Variants in ERCC6L2 observed in about 807,000 individuals in gnomAD.
The protein encoded by ERCC6L2 is ERCC excision repair 6 like 2.
A neutral mutation model predicts 132.0 loss-of-function variants in ERCC6L2; 77 were observed. The observed-to-expected ratio is 0.58, with a 90% confidence interval of 0.49 to 0.71. ERCC6L2 has a LOEUF of 0.71. ERCC6L2 is among the 30% of genes least tolerant of loss of function. ERCC6L2 has a pLI of 0.00. For synonymous variants in ERCC6L2, 583 were observed against 632.4 expected (o/e 0.92, Z 1.17); for missense variants, 1,542 against 1,837.6 (o/e 0.84, Z 2.94).
chr9:96,003,680 C>T (rs556409147), intron 17 of ERCC6L2, among the ~76,000 whole-genome samples: 5 of 152,330 alleles, frequency 3.3e-5, no homozygotes, highest in African/African-American at 1.2e-4. Context: ...ACTTAAGGTC[C>T]TACCCTACTA....
At chr9:95,918,601 G>A (rs993792566) in intron 6 of ERCC6L2, 3 of 341,776 alleles carry the variant, frequency 8.8e-6, no homozygotes, top group Admixed American at 3.1e-5. Flanking sequence ...TTTACAAGTC[G>A]GGGGGCCTAG....
chr9:95,973,178 G>T lies in ERCC6L2; in HGVS notation c.3337+90G>T. 3 of 908,996 alleles carry T rather than the reference G, an allele frequency of 3.3e-6. 1 individual carries two copies. The South Asian group carries it at 5.3e-5, about 16-fold the overall frequency. The allele number at this position is 908,996 out of a possible 1,614,324, so 56.3% of individuals were successfully genotyped here. On this transcript the variant is annotated intron_variant, in intron 16 of 18. Transcript: ENST00000653738. ...ACGCTTTGAATTAACTTGTAAAACAGCCCTAAAATCAAGATGCTGCATTGA... is the reference window on the plus strand; with the variant it reads ...ACGCTTTGAATTAACTTGTAAAACATCCCTAAAATCAAGATGCTGCATTGA...
At position 95,953,938 on chromosome 9, in the gene ERCC6L2, C is replaced by T. The variant is rs941093313; in HGVS notation, c.1848-1976C>T. Among the ~76,000 whole-genome samples the T allele has an allele frequency of 5.9e-5, 9 of 152,112 alleles. No homozygotes were observed. The East Asian group carries it at 1.7e-3, about 29-fold the overall frequency. ...TTTTGTGTACAATTTTATTCAAGTA[C>T]ATTTGGAAGAATAAGGACAAAGGAA... On this transcript the variant is annotated intron_variant, in intron 12 of 18. Coordinates refer to ENST00000653738, the MANE Select transcript of ERCC6L2 (RefSeq NM_020207.7).
chr9:95,987,109 C>T (rs1564287561), intron 17 of ERCC6L2, among the ~76,000 whole-genome samples: 1 of 152,278 alleles, frequency 6.6e-6, no homozygotes, highest in East Asian at 1.9e-4. Flanking sequence ...GAGTACTTCC[C>T]ACAACACAGG....
rs974900921 is a variant in ERCC6L2 at position 95,895,026 on chromosome 9, T to C, written c.472-2823T>C. 2.0e-5 allele frequency among the ~76,000 whole-genome samples: 3 copies of C among 152,344 alleles called. No individual in the cohort carries two copies. In the South Asian group the frequency reaches 6.2e-4, roughly 32 times the overall value. On this transcript the variant is annotated intron_variant, in intron 2 of 18. Transcript: ENST00000653738. ...ATGTTATTAAAGTCTTCTGTATCTT[T>C]ACTGATTATTTTGTTTGTTCTTGCT...
chr9:95,918,459 C>G, intron 6 of ERCC6L2: 1 of 472,786 alleles, frequency 2.1e-6, no homozygotes, highest in Admixed American at 2.2e-5. Context: ...TTATTCAGGT[C>G]CTGCAGGTCT....
intron 17 of ERCC6L2, among the ~76,000 whole-genome samples, chr9:95,994,742 G>A (rs983476539): frequency 2.6e-5 from 4 of 152,034 alleles, no homozygotes; most frequent in African/African-American, 7.3e-5. Context: ...AAGATGCAGA[G>A]ATTACTGATA....
rs912834337 is a variant in ERCC6L2, at chr9:96,013,993, T to C, written c.*790T>C. On this transcript the variant is annotated 3_prime_UTR_variant, in exon 19 of 19. Coordinates refer to ENST00000653738, the MANE Select transcript of ERCC6L2 (RefSeq NM_020207.7). ...CTTTTTATTTTGTTAGAAACTGTTATATTTTGAGTGTAATATTTATGGTTT... is the reference window on the plus strand; with the variant it reads ...CTTTTTATTTTGTTAGAAACTGTTACATTTTGAGTGTAATATTTATGGTTT... The C allele has an allele frequency of 2.0e-5, 3 of 152,246 alleles. No individual in the cohort carries two copies. The highest frequency in any genetic ancestry group is 2.9e-5 in the Non-Finnish European group (2 of 68,044). 9.4% of individuals were successfully genotyped at this position (152,246 alleles called of 1,614,324 possible).
chr9:96,033,267 C>T (rs1389268890), intron 19 of ERCC6L2, among the ~76,000 whole-genome samples: 2 of 147,426 alleles, frequency 1.4e-5, no homozygotes, highest in Admixed American at 6.8e-5. Context: ...TTTTTTGAGA[C>T]GGAGTTTTAT....
In ERCC6L2 at chr9:95,955,947, A is replaced by G. The variant is rs1831578313; in HGVS notation, c.1881A>G (p.Lys627=). ...AYRIGQCRDV[K]VLRLISLGTV... is the part of the protein sequence containing the mutation. ...GGATTGGACAATGTAGAGATGTCAA[A>G]GTGCTTAGGCTGATATCCTTGGGAA... The change falls in exon 13 of 19, where the codon AAA becomes AAG. Residue 627 remains lysine, a synonymous_variant. Coordinates refer to ENST00000653738, the MANE Select transcript of ERCC6L2 (RefSeq NM_020207.7). 5.6e-6 allele frequency: 9 copies of G among 1,606,848 alleles called. No individual in the cohort carries two copies. Among genetic ancestry groups the G allele is most frequent in the Non-Finnish European group, 7.6e-6 (9 of 1,176,576 alleles).
rs1157500972 is a variant in ERCC6L2 at position 95,972,297 on chromosome 9, A to G, written c.2546A>G (p.Gln849Arg). ...NQDSLGTSKH[Q>R]KLDNILNPKE... ...GACTCTCTTGGTACTTCAAAACATC[A>G]GAAATTAGATAACATCCTAAATCCA... The change falls in exon 16 of 19, where the codon CAG (glutamine) becomes CGG (arginine). Residue 849 changes from glutamine (Q) to arginine (R), a missense_variant. By Grantham distance (43) the Gln-to-Arg change is conservative (BLOSUM62 1). Transcript: ENST00000653738. 1 of 1,297,146 alleles carries G rather than the reference A, an allele frequency of 7.7e-7. No homozygotes were observed. The highest frequency in any genetic ancestry group is 1.0e-6 in the Non-Finnish European group (1 of 986,908). The allele number at this position is 1,297,146 out of a possible 1,614,324, so 80.4% of individuals were successfully genotyped here. A position where few individuals can be genotyped will look rare whatever the true frequency, so the allele number is the denominator to read the frequency against.
chr9:96,017,930 C>T lies in ERCC6L2; in HGVS notation c.*4727C>T, dbSNP rs191641133. Among the ~76,000 whole-genome samples, 10 of 152,262 alleles carry T rather than the reference C, an allele frequency of 6.6e-5. No homozygotes were observed. The highest frequency in any genetic ancestry group is 3.9e-4 in the Admixed American group (6 of 15,296). On this transcript the variant is annotated 3_prime_UTR_variant, in exon 19 of 19. Coordinates refer to ENST00000653738, the MANE Select transcript of ERCC6L2 (RefSeq NM_020207.7). Reference sequence around the variant, plus strand: ...TCAGCCTTGAAAGGAAATTCGGACACGTGCTACAACATAGATGAATCTTGA... The same window carrying T: ...TCAGCCTTGAAAGGAAATTCGGACATGTGCTACAACATAGATGAATCTTGA...
intron 17 of ERCC6L2, among the ~76,000 whole-genome samples, chr9:95,979,674 C>T (rs1832815318): frequency 6.6e-6 from 1 of 152,152 alleles, no homozygotes; most frequent in South Asian, 2.1e-4. Flanking sequence ...TCTTTCATGA[C>T]CCAAATATGC....
At chr9:95,912,214 C>A (rs1268844928) in intron 4 of ERCC6L2, among the ~76,000 whole-genome samples, 1 of 152,168 alleles carries the variant, frequency 6.6e-6, no homozygotes, top group Non-Finnish European at 1.5e-5. Context: ...CTGCTTTTGT[C>A]AGCCATCTTG....
chr9:96,019,304 AAT>A (rs779195262), downstream of ERCC6L2, among the ~76,000 whole-genome samples: 4 of 152,178 alleles, frequency 2.6e-5, no homozygotes, highest in Admixed American at 1.3e-4. Flanking sequence ...TATTTTTCAA[AAT>A]ATAAATGCCA....
Position 95,897,892 on chromosome 9 carries a change from G to T in ERCC6L2, c.515G>T (p.Arg172Leu). ...LAAVLHKKGT[R>L]EDIENNMPEF... ...GCAGTTTTGCATAAAAAGGGAACTC[G>T]TGAGGATATTGAAAATAACATGCCA... The change falls in exon 3 of 19, where the codon CGT becomes CTT. Residue 172 changes from arginine (R) to leucine (L), a missense_variant. Arg to Leu is a moderately radical substitution (Grantham distance 102). This residue lies in a region of ERCC6L2 where 945 missense variants were observed against 1,105.2 expected (regional missense o/e 0.86). Coordinates refer to ENST00000653738, the MANE Select transcript of ERCC6L2 (RefSeq NM_020207.7). The T allele has an allele frequency of 1.9e-6, 3 of 1,612,342 alleles. No homozygotes were observed. The South Asian group carries it at 3.3e-5, about 18-fold the overall frequency.
intron 19 of ERCC6L2, among the ~76,000 whole-genome samples, chr9:96,026,229 G>GTC (rs1486215387): frequency 6.6e-6 from 1 of 152,228 alleles, no homozygotes; most frequent in Non-Finnish European, 1.5e-5. Context: ...ACCGTTGGGA[G>GTC]TCCGGGGGGT....
chr9:96,039,416 G>A (rs1834553297), intron 20 of ERCC6L2, among the ~76,000 whole-genome samples: 1 of 152,222 alleles, frequency 6.6e-6, no homozygotes. Context: ...GCGTAGAGAA[G>A]AGAGTGGAGT....
rs690086 is a variant in ERCC6L2 at position 95,907,225 on chromosome 9, C to G, written c.742C>G (p.Leu248Val). 6 of 1,612,752 alleles carry G rather than the reference C, an allele frequency of 3.7e-6. No individual in the cohort carries two copies. Among genetic ancestry groups the G allele is most frequent in the Non-Finnish European group, 5.1e-6 (6 of 1,179,662 alleles). ...AAAGCAGAGGAAATGTGAAATTGCTCTAACAACTTATGAAACACTACGCTT... is the reference window on the plus strand; with the variant it reads ...AAAGCAGAGGAAATGTGAAATTGCTGTAACAACTTATGAAACACTACGCTT... Reference protein sequence around the residue: ...RVKQRKCEIALTTYETLRLCL... With the variant: ...RVKQRKCEIAVTTYETLRLCL... The change falls in exon 4 of 19, where the codon CTA becomes GTA. Residue 248 changes from leucine to valine, a missense_variant. Leu to Val is a conservative substitution (Grantham distance 32, BLOSUM62 1). Around this residue, in one of 4 missense-constraint regions of ERCC6L2, gnomAD observed 945 missense variants for 1,105.2 expected, o/e 0.86. Coordinates refer to ENST00000653738, the MANE Select transcript of ERCC6L2 (RefSeq NM_020207.7).
Sources: allele counts gnomAD v4.1 joint callset (sites outside exome capture counted in the v4.1 genomes callset), GRCh38; gene constraint gnomAD v4.1.1; regional missense constraint gnomAD v4.1.1; transcripts MANE v1.5; gene names NCBI Gene and HGNC (gene_info 2026-07-23, HGNC 2026-07-21).